ARHGEF18: variants seen among roughly 807,000 people sequenced by gnomAD.
ARHGEF18 encodes the protein rho guanine nucleotide exchange factor 18.
ARHGEF18 carries 93 observed loss-of-function variants against 155.7 expected under a neutral mutation model. That is an observed-to-expected ratio of 0.60 (90% confidence interval 0.50 to 0.71). ARHGEF18 has a LOEUF of 0.71. Among genes scored for constraint, ARHGEF18 ranks in the 30% least tolerant of loss-of-function variants. The probability of loss-of-function intolerance (pLI) is 0.00; values close to 1 mark genes in which losing one functional copy is unlikely to be tolerated. For missense variants in ARHGEF18, 1,593 were observed against 1,816.1 expected (o/e 0.88, Z 2.23); for synonymous variants, 742 against 753.1 (o/e 0.99, Z 0.24).
At chr19:7,417,821 G>A (rs1186061102) in intron 10 of ARHGEF18, among the ~76,000 whole-genome samples, 1 of 152,216 alleles carries the variant, frequency 6.6e-6, no homozygotes, top group East Asian at 1.9e-4. Flanking sequence ...CCAGGAGAGT[G>A]GGAGAGTGAA....
rs1342959187 is a variant in ARHGEF18 at position 7,463,142 on chromosome 19, C to T, written c.2636-676C>T. Among the ~76,000 whole-genome samples the T allele has an allele frequency of 6.6e-6, 1 of 152,088 alleles. No individual in the cohort carries two copies. Among genetic ancestry groups the T allele is most frequent in the African/African-American group, 2.4e-5 (1 of 41,430 alleles). Reference sequence around the variant, plus strand: ...AGCCACCGCGCCCTGCCTCAATCTGCTCTTTCAACAGTGAGGGAAGCCGAC... The same window carrying T: ...AGCCACCGCGCCCTGCCTCAATCTGTTCTTTCAACAGTGAGGGAAGCCGAC... On this transcript the variant is annotated intron_variant, in intron 21 of 28. Coordinates refer to ENST00000668164, the MANE Select transcript of ARHGEF18 (RefSeq NM_001367823.1). The surrounding 1 kb of genome is among the most constrained non-coding windows in gnomAD (Gnocchi z 5.2).
At position 7,446,905 on chromosome 19, in the gene ARHGEF18, A is replaced by G. The variant is rs1460871641; in HGVS notation, c.1612-138A>G. 9.2e-6 allele frequency: 11 copies of G among 1,199,052 alleles called. No individual in the cohort carries two copies. In the Admixed American group the frequency reaches 1.8e-4, roughly 20 times the overall value. The allele number at this position is 1,199,052 out of a possible 1,614,324, so 74.3% of individuals were successfully genotyped here. A position where few individuals can be genotyped will look rare whatever the true frequency, so the allele number is the denominator to read the frequency against. The stretch of plus-strand genomic sequence containing the variant: ...AGCAAGATGCTGTCTCAAAAAAAAA[A>G]AAAAAAGAAGAAGAAAGAAAGAAAA... On this transcript the variant is annotated intron_variant, in intron 14 of 28. Transcript: ENST00000668164.
At chr19:7,455,325 C>G (rs534025741) in intron 17 of ARHGEF18, among the ~76,000 whole-genome samples, 1 of 152,302 alleles carries the variant, frequency 6.6e-6, no homozygotes, top group South Asian at 2.1e-4. Flanking sequence ...AGTTAGAAGT[C>G]CAGCACATGC....
chr19:7,458,467 C>T lies in ARHGEF18; in HGVS notation c.2182-45C>T, dbSNP rs370580518. The stretch of plus-strand genomic sequence containing the variant: ...CCTTGACCTCCCTGCTGTTTGGGTG[C>T]TGTGGGGTAAAGGGTGACCTCCCCA... On this transcript the variant is annotated intron_variant, in intron 18 of 28. Coordinates refer to ENST00000668164, the MANE Select transcript of ARHGEF18 (RefSeq NM_001367823.1). The T allele has an allele frequency of 1.4e-5, 22 of 1,582,416 alleles. No individual in the cohort carries two copies. In the African/African-American group the frequency reaches 3.0e-4, roughly 21 times the overall value.
chr19:7,438,246 G>A (rs1414039166), intron 10 of ARHGEF18, among the ~76,000 whole-genome samples: 7 of 148,822 alleles, frequency 4.7e-5, no homozygotes, highest in African/African-American at 1.7e-4. Flanking sequence ...GACTACAGGC[G>A]TGCGCCACTT....
intron 10 of ARHGEF18, among the ~76,000 whole-genome samples, chr19:7,384,088 G>A (rs962167993): frequency 2.0e-5 from 3 of 152,164 alleles, no homozygotes; most frequent in African/African-American, 4.8e-5. Flanking sequence ...TGCGTGCGCC[G>A]TTTGTAACCG....
In ARHGEF18 at chr19:7,459,967, C is replaced by T. The variant is rs757018847; in HGVS notation, c.2425C>T (p.Arg809Cys). Residue 809 changes from arginine to cysteine, a missense_variant, in exon 20 of 29, where the codon CGC becomes TGC. Transcript: ENST00000668164. ...AGAGGAAAGGAAGGTGGTCGAGGCC[C>T]GCGCCACGAGACTCCGGGACTTTCA... ...PEEERKVVEARATRLRDFQER... is the reference protein window; with the variant it reads ...PEEERKVVEACATRLRDFQER... 16 of 1,587,504 alleles carry T rather than the reference C, an allele frequency of 1.0e-5. No homozygotes were observed. The highest frequency in any genetic ancestry group is 6.9e-5 in the East Asian group (3 of 43,524).
intron 10 of ARHGEF18, among the ~76,000 whole-genome samples, chr19:7,407,798 T>TAA (rs1972406902): frequency 1.3e-5 from 2 of 151,456 alleles, no homozygotes. Flanking sequence ...CCGTCTCTAC[T>TAA]GAAAATACAA....
intron 13 of ARHGEF18, among the ~76,000 whole-genome samples, chr19:7,442,994 A>G (rs1368430631): frequency 6.6e-6 from 1 of 151,032 alleles, no homozygotes; most frequent in Non-Finnish European, 1.5e-5. Context: ...GGTTCAAGCA[A>G]TTGTCCTGCC....
chr19:7,479,792 C>T, the ARHGEF18 span, among the ~76,000 whole-genome samples: 12 of 152,332 alleles, frequency 7.9e-5, no homozygotes, highest in African/African-American at 2.4e-4. Context: ...CAAAACCTAG[C>T]GTGAACCCTA....
chr19:7,470,214 C>T lies in ARHGEF18; in HGVS notation c.4002C>T (p.Pro1334=), dbSNP rs376176716. 113 of 1,610,218 alleles carry T rather than the reference C, an allele frequency of 7.0e-5. No homozygotes were observed. In the African/African-American group the frequency reaches 9.2e-4, roughly 13 times the overall value. ...SLKAGGTALL[P]GPPAPSPLPA... The stretch of plus-strand genomic sequence containing the variant: ...AGGCCGGGGGCACAGCCCTCCTGCC[C>T]GGGCCCCCAGCTCCCTCGCCACTGC... The change falls in exon 29 of 29, where the codon CCC becomes CCT. Residue 1334 remains proline (P), a synonymous_variant. Transcript: ENST00000668164. This position sits in a 1 kb window ranked among gnomAD's most constrained non-coding sequence, Gnocchi z 5.9.
chr19:7,448,585 C>T (rs962749314), intron 15 of ARHGEF18, among the ~76,000 whole-genome samples: 2 of 151,840 alleles, frequency 1.3e-5, no homozygotes, highest in East Asian at 1.9e-4. Context: ...GGTGTGAACC[C>T]GGGAGGCGGA....
intron 1 of ARHGEF18, among the ~76,000 whole-genome samples, chr19:7,361,391 T>C (rs1019402338): frequency 5.3e-5 from 8 of 152,100 alleles, no homozygotes; most frequent in African/African-American, 1.9e-4. Flanking sequence ...TGAGCCAAGA[T>C]GGCGCCACTG....
chr19:7,466,204 T>C (rs1976594566), intron 23 of ARHGEF18, among the ~76,000 whole-genome samples: 1 of 151,584 alleles, frequency 6.6e-6, no homozygotes, highest in Non-Finnish European at 1.5e-5. Context: ...ACCAACATGG[T>C]GAAACCCCGC....
chr19:7,426,343 C>T (rs1310191042), intron 10 of ARHGEF18, among the ~76,000 whole-genome samples: 3 of 151,850 alleles, frequency 2.0e-5, no homozygotes, highest in Admixed American at 1.3e-4. Flanking sequence ...AAAAATTAGC[C>T]GGGCGTGGTG....
At chr19:7,355,095 CACACACACACACACACACAG>C (rs1310056749) in intron 1 of ARHGEF18, among the ~76,000 whole-genome samples, 8 of 96,732 alleles carry the variant, frequency 8.3e-5, no homozygotes, top group Non-Finnish European at 2.0e-4. Flanking sequence ...CACACACACA[CACACACACACACACACACAG>C]ACAATCACAG....
At chr19:7,417,803 C>T (rs924485529) in intron 10 of ARHGEF18, among the ~76,000 whole-genome samples, 4 of 152,120 alleles carry the variant, frequency 2.6e-5, no homozygotes, top group Admixed American at 6.6e-5. Context: ...TGGGTGGAGC[C>T]AGGTGGCCCA....
intron 10 of ARHGEF18, among the ~76,000 whole-genome samples, chr19:7,397,308 C>T (rs1971767304): frequency 6.6e-6 from 1 of 151,800 alleles, no homozygotes; most frequent in Non-Finnish European, 1.5e-5. Context: ...CTCTGTTGCC[C>T]AGACTGGAGT....
chr19:7,439,598 G>A, intron 10 of ARHGEF18: 1 of 881,664 alleles, frequency 1.1e-6, no homozygotes, highest in African/African-American at 1.8e-5. Flanking sequence ...ATGTTGGGTT[G>A]GTTTATAATC....
Sources: allele counts gnomAD v4.1 joint callset (sites outside exome capture counted in the v4.1 genomes callset), GRCh38; gene constraint gnomAD v4.1.1; non-coding constraint Gnocchi (gnomAD v3.1); transcripts MANE v1.5; gene names NCBI Gene and HGNC (gene_info 2026-07-23, HGNC 2026-07-21).